The following SPAG17 variants were observed in gnomAD, a reference collection of about 807,000 sequenced individuals.
SPAG17 encodes sperm associated antigen 17.
Under a neutral mutation model 273.6 loss-of-function variants are expected in SPAG17, and 169 were observed. That is an observed-to-expected ratio of 0.62 (90% CI 0.55 to 0.70). SPAG17 has a LOEUF of 0.70. Among genes scored for constraint, SPAG17 ranks in the 30% least tolerant of loss-of-function variants. SPAG17 has a pLI of 0.00. For synonymous variants in SPAG17, 825 were observed against 873.2 expected, an observed-to-expected ratio of 0.94 and a Z score of 0.97; for missense variants, 2,557 against 2,627.8, an observed-to-expected ratio of 0.97 and a Z score of 0.59.
rs137887712 is a variant in SPAG17, at chr1:117,963,916, A to C, written c.6555T>G (p.Tyr2185Ter). ...VEATVLTSSNYDKRPKDFPQG... is the reference protein window; with the variant it reads ...VEATVLTSSN ...GGGGAAAGTCTTTTGGTCGTTTATC[A>C]TAATTGCTGCTTGTTAAAACAGGTA... The change falls in exon 48 of 49, where the codon TAT (tyrosine) becomes TAG (stop). Residue 2185 changes from tyrosine to a stop codon, truncating the protein, a stop_gained. Coordinates refer to ENST00000336338, the MANE Select transcript of SPAG17 (RefSeq NM_206996.4). LOFTEE classifies it high-confidence loss of function. 1.5e-5 allele frequency: 24 copies of C among 1,613,886 alleles called. No individual in the cohort carries two copies. Among genetic ancestry groups the C allele is most frequent in the Non-Finnish European group, 1.9e-5 (22 of 1,179,914 alleles).
chr1:118,064,433 G>C (rs969014548), intron 18 of SPAG17, among the ~76,000 whole-genome samples: 1 of 151,732 alleles, frequency 6.6e-6, no homozygotes, highest in Non-Finnish European at 1.5e-5. Flanking sequence ...CATGTCCTTT[G>C]TAGGGACATG....
rs1654855182 is a variant in SPAG17 at position 117,973,942 on chromosome 1, T to C, written c.6005-381A>G. Among the ~76,000 whole-genome samples the C allele has an allele frequency of 2.0e-5, 3 of 152,312 alleles. No homozygotes were observed. In the South Asian group the frequency reaches 6.2e-4, roughly 32 times the overall value. On this transcript the variant is annotated intron_variant, in intron 43 of 48. Coordinates refer to ENST00000336338, the MANE Select transcript of SPAG17 (RefSeq NM_206996.4). The stretch of plus-strand genomic sequence containing the variant: ...GTGATTTTGGGTTTTCTGTCATTAA[T>C]CTTCTTAGAATAATGGCTTGCAGCT...
In SPAG17 at chr1:118,081,279, AT is replaced by A. The variant is rs1473381939; in HGVS notation, c.2030del (p.Asn677IlefsTer26). The A allele has an allele frequency of 6.2e-7, 1 of 1,613,984 alleles. No individual in the cohort carries two copies. Among genetic ancestry groups the A allele is most frequent in the Non-Finnish European group, 8.5e-7 (1 of 1,180,008 alleles). On this transcript the variant is annotated frameshift_variant, in exon 15 of 49. Transcript: ENST00000336338. LOFTEE classifies it high-confidence loss of function. ...IKDRTLFVDQNLSMSVQDNES... is the reference protein window; with the variant it reads ...IKDRTLFVDQXLSMSVQDNES... ...CATTATCTTGCACAGACATTGACAA[AT>A]TCTGATCCACAAATAGTGTTCTGTC...
intron 1 of SPAG17, among the ~76,000 whole-genome samples, chr1:118,164,629 A>G (rs1278175849): frequency 1.3e-5 from 2 of 152,234 alleles, no homozygotes; most frequent in Non-Finnish European, 2.9e-5. Flanking sequence ...GCTTCCAGCT[A>G]CTCTCATCTC....
chr1:118,040,335 T>C (rs1303535858), intron 22 of SPAG17, among the ~76,000 whole-genome samples: 1 of 152,124 alleles, frequency 6.6e-6, no homozygotes, highest in Non-Finnish European at 1.5e-5. Flanking sequence ...GGTCCCAAAC[T>C]CTGTGCTCCA....
At chr1:117,955,317 T>C (rs375357091) in intron 48 of SPAG17, 10 of 1,611,330 alleles carry the variant, frequency 6.2e-6, no homozygotes, top group Middle Eastern at 1.6e-4. Flanking sequence ...CTTTATAGCC[T>C]TCAGCTTATG....
chr1:118,171,544 C>G (rs1479338198), intron 1 of SPAG17, among the ~76,000 whole-genome samples: 1 of 152,158 alleles, frequency 6.6e-6, no homozygotes, highest in Non-Finnish European at 1.5e-5. Flanking sequence ...TATGGTCTTT[C>G]TGTCCTCTAA....
chr1:118,087,172 TAAAAGG>T, intron 10 of SPAG17, 164 bp from the exon 11 acceptor site: 1 of 600,104 alleles, frequency 1.7e-6, no homozygotes, highest in Non-Finnish European at 2.6e-6. Flanking sequence ...GATCACCAAG[TAAAAGG>T]AAAAGTGTTC....
chr1:118,029,723 T>G (rs2101874364), intron 25 of SPAG17, among the ~76,000 whole-genome samples: 1 of 152,294 alleles, frequency 6.6e-6, no homozygotes, highest in African/African-American at 2.4e-5. Context: ...ATGATAATCA[T>G]TTCAATTTTT....
chr1:118,164,933 TC>T (rs1376709258), intron 1 of SPAG17, among the ~76,000 whole-genome samples: 8 of 152,236 alleles, frequency 5.3e-5, no homozygotes, highest in Non-Finnish European at 8.8e-5. Context: ...CTGTGGTATT[TC>T]AAACACGTCC....
At chr1:117,963,176 T>A (rs1653331630) in intron 48 of SPAG17, 1 of 152,154 alleles carries the variant, frequency 6.6e-6, no homozygotes, top group Non-Finnish European at 1.5e-5. Context: ...GTGTTGCCCT[T>A]GTGTATCCCT....
chr1:118,013,165 T>G (rs1659641762), intron 29 of SPAG17, among the ~76,000 whole-genome samples: 3 of 152,232 alleles, frequency 2.0e-5, no homozygotes. Flanking sequence ...TACTGTAAAT[T>G]GCATAATGCA....
chr1:118,101,307 T>C (rs140322960), intron 5 of SPAG17, among the ~76,000 whole-genome samples: 446 of 152,214 alleles, frequency 2.9e-3, no homozygotes, highest in African/African-American at 0.01. Flanking sequence ...TATTCCCAGC[T>C]ACTGGGGAGG....
At chr1:118,071,786 A>G (rs911664577) in intron 17 of SPAG17, among the ~76,000 whole-genome samples, 2 of 152,232 alleles carry the variant, frequency 1.3e-5, no homozygotes, top group Non-Finnish European at 2.9e-5. Flanking sequence ...CAAAAGATAA[A>G]TTGATGGAAA....
chr1:118,061,777 T>C (rs1652325393), intron 18 of SPAG17, among the ~76,000 whole-genome samples: 1 of 152,172 alleles, frequency 6.6e-6, no homozygotes, highest in South Asian at 2.1e-4. Flanking sequence ...TTTATGTATA[T>C]CAATTATACC....
intron 17 of SPAG17, among the ~76,000 whole-genome samples, chr1:118,072,243 G>C (rs1015715653): frequency 6.6e-6 from 1 of 152,146 alleles, no homozygotes; most frequent in Non-Finnish European, 1.5e-5. Context: ...TATAAAGATA[G>C]AATTAAGCTG....
At chr1:118,002,445 T>A (rs559895202) in intron 32 of SPAG17, among the ~76,000 whole-genome samples, 1 of 152,330 alleles carries the variant, frequency 6.6e-6, no homozygotes, top group African/African-American at 2.4e-5. Context: ...CCATTACTAT[T>A]GTGTGGGAGT....
At chr1:118,041,294 AGAG>A (rs1039975977) in intron 21 of SPAG17, among the ~76,000 whole-genome samples, 17 of 152,284 alleles carry the variant, frequency 1.1e-4, no homozygotes, top group Non-Finnish European at 8.8e-5. Flanking sequence ...CAACTGTTTT[AGAG>A]GAGTAGCTAC....
chr1:118,169,603 C>T (rs927294294), intron 1 of SPAG17, among the ~76,000 whole-genome samples: 3 of 152,128 alleles, frequency 2.0e-5, no homozygotes, highest in Non-Finnish European at 4.4e-5. Context: ...AATGCATTTT[C>T]CTTTTTGATA....
Sources: allele counts gnomAD v4.1 joint callset (sites outside exome capture counted in the v4.1 genomes callset), GRCh38; gene constraint gnomAD v4.1.1; transcripts MANE v1.5; gene names NCBI Gene and HGNC (gene_info 2026-07-23, HGNC 2026-07-21).